The following GRM8 variants were observed in gnomAD, a reference collection of about 807,000 sequenced individuals.
GRM8 encodes the protein metabotropic glutamate receptor 8.
Under a neutral mutation model 87.2 loss-of-function variants are expected in GRM8, and 47 were observed. The ratio of observed to expected loss-of-function variants is 0.54; its 90% CI spans 0.43 to 0.69. GRM8 has a LOEUF of 0.69. Ranked by LOEUF, GRM8 falls within the 30% of genes least tolerant of loss-of-function variation. The pLI, the probability that GRM8 is intolerant of heterozygous loss-of-function variation, is 0.00. For missense variants in GRM8, 1,019 were observed against 1,139.2 expected (o/e 0.89, Z 1.52); for synonymous variants, 396 against 404.5 (o/e 0.98, Z 0.25).
At chr7:127,035,951 C>T (rs17869594) in intron 3 of GRM8, among the ~76,000 whole-genome samples, 7 of 152,256 alleles carry the variant, frequency 4.6e-5, no homozygotes, top group Non-Finnish European at 5.9e-5. Flanking sequence ...TTCTGACTTC[C>T]GCTGTTACTT....
intron 7 of GRM8, among the ~76,000 whole-genome samples, chr7:126,619,745 C>T (rs1157342569): frequency 6.6e-6 from 1 of 152,040 alleles, no homozygotes; most frequent in African/African-American, 2.4e-5. Context: ...GGCTGGAACT[C>T]GGTGGTGTCA....
At chr7:126,621,159 CTAAG>C (rs746932061) in intron 7 of GRM8, among the ~76,000 whole-genome samples, 8 of 152,136 alleles carry the variant, frequency 5.3e-5, no homozygotes, top group African/African-American at 9.7e-5. Flanking sequence ...ATTTACTTTA[CTAAG>C]TATTTATTAC....
intron 7 of GRM8, among the ~76,000 whole-genome samples, chr7:126,700,208 C>A (rs1563103680): frequency 6.6e-6 from 1 of 152,026 alleles, no homozygotes; most frequent in African/African-American, 2.4e-5. Flanking sequence ...AATATCTAGA[C>A]AATGAATGAA....
At chr7:126,635,733 T>C (rs962697133) in intron 7 of GRM8, among the ~76,000 whole-genome samples, 1 of 152,172 alleles carries the variant, frequency 6.6e-6, no homozygotes, top group Non-Finnish European at 1.5e-5. Context: ...GCATACCTGT[T>C]CTTTATCTTA....
chr7:126,517,960 T>G (rs1812417636), intron 9 of GRM8, among the ~76,000 whole-genome samples: 3 of 152,084 alleles, frequency 2.0e-5, no homozygotes, highest in Admixed American at 6.6e-5. Context: ...ATTACAAAAG[T>G]ACTTTAAAGT....
At chr7:126,772,026 A>C (rs1585870191) in intron 6 of GRM8, among the ~76,000 whole-genome samples, 1 of 152,110 alleles carries the variant, frequency 6.6e-6, no homozygotes, top group African/African-American at 2.4e-5. Context: ...TGTGAAAACA[A>C]CCCTTTCCAC....
At chr7:127,038,110 T>C (rs1202696455) in intron 3 of GRM8, among the ~76,000 whole-genome samples, 1 of 152,182 alleles carries the variant, frequency 6.6e-6, no homozygotes, top group Non-Finnish European at 1.5e-5. Flanking sequence ...TTTCTGTCAG[T>C]TGAGCCTCAA....
At chr7:126,529,276 A>T (rs758376071) in intron 9 of GRM8, among the ~76,000 whole-genome samples, 19 of 152,328 alleles carry the variant, frequency 1.2e-4, no homozygotes, top group Non-Finnish European at 2.1e-4. Context: ...ACAAATACGC[A>T]TTTATATTAT....
intron 7 of GRM8, among the ~76,000 whole-genome samples, chr7:126,714,317 T>G (rs952148821): frequency 5.9e-5 from 8 of 135,690 alleles, no homozygotes; most frequent in Non-Finnish European, 1.1e-4. Context: ...ATAATAATAA[T>G]AATAATAAAT....
chr7:127,160,628 C>T (rs148142472), intron 2 of GRM8, among the ~76,000 whole-genome samples: 18 of 152,022 alleles, frequency 1.2e-4, no homozygotes, highest in African/African-American at 4.3e-4. Flanking sequence ...AAGAGGCGAA[C>T]TTAGTAGGGT....
At chr7:126,558,422 A>G (rs1165773697) in intron 8 of GRM8, among the ~76,000 whole-genome samples, 1 of 152,180 alleles carries the variant, frequency 6.6e-6, no homozygotes, top group Non-Finnish European at 1.5e-5. Context: ...GCTGTCCTCA[A>G]TCTAGGTAGC....
At chr7:127,054,426 T>C (rs566627769) in intron 3 of GRM8, among the ~76,000 whole-genome samples, 1 of 152,208 alleles carries the variant, frequency 6.6e-6, no homozygotes, top group Non-Finnish European at 1.5e-5. Flanking sequence ...TAATATATCA[T>C]ATTATGTACA....
intron 7 of GRM8, among the ~76,000 whole-genome samples, chr7:126,668,987 A>C (rs1806095936): frequency 6.6e-6 from 1 of 152,260 alleles, no homozygotes; most frequent in African/African-American, 2.4e-5. Context: ...CTATGCAGCC[A>C]TAAAAAAGAA....
At chr7:126,578,876 C>A (rs2151005776) in intron 8 of GRM8, among the ~76,000 whole-genome samples, 1 of 152,152 alleles carries the variant, frequency 6.6e-6, no homozygotes, top group South Asian at 2.1e-4. Flanking sequence ...ACCTATTTTT[C>A]TCTTCCCATC....
At chr7:126,661,651 C>T (rs1056594107) in intron 7 of GRM8, among the ~76,000 whole-genome samples, 3 of 152,178 alleles carry the variant, frequency 2.0e-5, no homozygotes, top group Admixed American at 2.0e-4. Context: ...TGTAGTGCCT[C>T]TGCACTGTCG....
intron 7 of GRM8, among the ~76,000 whole-genome samples, chr7:126,623,375 T>C (rs998268021): frequency 3.9e-5 from 6 of 152,182 alleles, no homozygotes; most frequent in African/African-American, 1.4e-4. Context: ...CATCAAAATA[T>C]AATCAATATA....
At chr7:126,547,537 C>T (rs1166826507) in intron 8 of GRM8, among the ~76,000 whole-genome samples, 5 of 151,318 alleles carry the variant, frequency 3.3e-5, no homozygotes, top group Admixed American at 6.6e-5. Context: ...TGATTATAAT[C>T]TCAGAAATGA....
chr7:126,502,921 T>C (rs914230441), intron 9 of GRM8, among the ~76,000 whole-genome samples: 1 of 151,956 alleles, frequency 6.6e-6, no homozygotes, highest in Non-Finnish European at 1.5e-5. Flanking sequence ...CTGGTTCCAG[T>C]GGTGCTGTTA....
intron 2 of GRM8, among the ~76,000 whole-genome samples, chr7:127,181,013 G>T (rs751486439): frequency 1.3e-5 from 2 of 151,990 alleles, no homozygotes; most frequent in Non-Finnish European, 2.9e-5. Context: ...ACAAGAAAAA[G>T]AAATAAATGG....
Sources: allele counts gnomAD v4.1 joint callset (sites outside exome capture counted in the v4.1 genomes callset), GRCh38; gene constraint gnomAD v4.1.1; transcripts MANE v1.5; gene names NCBI Gene and HGNC (gene_info 2026-07-23, HGNC 2026-07-21).